RANBP2: variants seen among roughly 807,000 people sequenced by gnomAD.
RANBP2 encodes the protein E3 SUMO-protein ligase RanBP2.
Under a neutral mutation model 303.6 loss-of-function variants are expected in RANBP2, and 57 were observed. The ratio of observed to expected loss-of-function variants is 0.19; its 90% CI spans 0.15 to 0.23. RANBP2 has a LOEUF of 0.23. Ranked by LOEUF, RANBP2 falls within the 10% of genes least tolerant of loss-of-function variation. The pLI is 1.00. For missense variants in RANBP2, 3,138 were observed against 3,780.8 expected (o/e 0.83, Z 4.46); for synonymous variants, 1,167 against 1,301.5 (o/e 0.90, Z 2.23).
chr2:109,576,284 A>G, the RANBP2 span, among the ~76,000 whole-genome samples: 2 of 152,052 alleles, frequency 1.3e-5, no homozygotes, highest in African/African-American at 4.8e-5. Context: ...ATATATATAT[A>G]GACAGGGTCT....
the RANBP2 span, among the ~76,000 whole-genome samples, chr2:109,252,254 GA>G: frequency 0.041 from 5,942 of 144,556 alleles, 370 homozygotes; most frequent in African/African-American, 0.14. Flanking sequence ...TCTCAGAGGA[GA>G]AAAAAAAAAA....
chr2:109,324,788 A>G, the RANBP2 span, among the ~76,000 whole-genome samples: 41,559 of 152,018 alleles, frequency 0.27, 7,378 homozygotes, highest in African/African-American at 0.5. Flanking sequence ...GGGGATAGAG[A>G]CCAACTATGA....
At chr2:108,857,236 G>A in the RANBP2 span, among the ~76,000 whole-genome samples, 4 of 151,648 alleles carry the variant, frequency 2.6e-5, no homozygotes, top group Non-Finnish European at 4.4e-5. Flanking sequence ...ACGCCACCAC[G>A]CCCAGCTAAT....
chr2:109,392,216 T>A, the RANBP2 span, among the ~76,000 whole-genome samples: 1 of 152,104 alleles, frequency 6.6e-6, no homozygotes, highest in Non-Finnish European at 1.5e-5. Context: ...GAATATATTC[T>A]TTTTTTTACA....
At chr2:109,680,243 C>T in the RANBP2 span, among the ~76,000 whole-genome samples, 1 of 149,916 alleles carries the variant, frequency 6.7e-6, no homozygotes, top group Non-Finnish European at 1.5e-5. Context: ...GTCCCAGCTA[C>T]TTGGGAGGCT....
chr2:108,866,031 C>T, the RANBP2 span, among the ~76,000 whole-genome samples: 1 of 152,148 alleles, frequency 6.6e-6, no homozygotes. Flanking sequence ...TGGAGCTGTG[C>T]AAGAGGACTA....
chr2:109,620,440 G>A, the RANBP2 span, among the ~76,000 whole-genome samples: 1 of 152,136 alleles, frequency 6.6e-6, no homozygotes, highest in Admixed American at 6.6e-5. Context: ...GGTGGCTCAC[G>A]CATGTAATCC....
the RANBP2 span, among the ~76,000 whole-genome samples, chr2:108,957,820 G>A: frequency 2.1e-3 from 315 of 152,338 alleles, 2 homozygotes; most frequent in Non-Finnish European, 2.2e-3. Context: ...TGATGCAGCT[G>A]TTGCCTAGCC....
chr2:109,692,881 C>T, the RANBP2 span, among the ~76,000 whole-genome samples: 63,302 of 147,520 alleles, frequency 0.43, 16,388 homozygotes, highest in Middle Eastern at 0.57. Flanking sequence ...TGCAATGGTG[C>T]GATCTCGGCT....
Position 108,773,032 on chromosome 2 carries a change from G to A in RANBP2, c.8278G>A (p.Val2760Ile), listed in dbSNP as rs375267565. 4 of 1,611,914 alleles carry A rather than the reference G, an allele frequency of 2.5e-6. No homozygotes were observed. The highest frequency in any genetic ancestry group is 2.7e-5 in the African/African-American group (2 of 74,892). Residue 2760 changes from valine (V) to isoleucine (I), a missense_variant, in exon 23 of 29, where the codon GTT becomes ATT. Coordinates refer to ENST00000283195, the MANE Select transcript of RANBP2 (RefSeq NM_006267.5). ...GEDFQSELQK[V>I]QEAQKSQTEE... The stretch of plus-strand genomic sequence containing the variant: ...GGACTTTCAATCAGAGCTTCAAAAA[G>A]TTCAGGAAGCTCAAGTAAGAACATC...
At chr2:109,454,105 C>A in the RANBP2 span, among the ~76,000 whole-genome samples, 1 of 152,184 alleles carries the variant, frequency 6.6e-6, no homozygotes, top group Non-Finnish European at 1.5e-5. Flanking sequence ...ACTTACATTA[C>A]ATGGTGAGAT....
At chr2:108,863,157 C>T in the RANBP2 span, among the ~76,000 whole-genome samples, 2 of 152,072 alleles carry the variant, frequency 1.3e-5, no homozygotes, top group Non-Finnish European at 2.9e-5. Context: ...ATAATTTCTT[C>T]CCTTTTTGCT....
chr2:109,047,380 C>A, the RANBP2 span, among the ~76,000 whole-genome samples: 10 of 152,338 alleles, frequency 6.6e-5, no homozygotes, highest in African/African-American at 2.4e-4. Context: ...ACTAACACAT[C>A]TTAAACCTCT....
At chr2:109,643,529 G>A in the RANBP2 span, among the ~76,000 whole-genome samples, 14 of 152,244 alleles carry the variant, frequency 9.2e-5, no homozygotes, top group African/African-American at 3.1e-4. Flanking sequence ...GGAGGCCAAG[G>A]CTGGCAGATC....
At chr2:109,360,804 T>G in the RANBP2 span, among the ~76,000 whole-genome samples, 1 of 152,242 alleles carries the variant, frequency 6.6e-6, no homozygotes, top group Non-Finnish European at 1.5e-5. Flanking sequence ...CTGTACACTT[T>G]TAATTTCCTT....
chr2:109,372,011 C>T, the RANBP2 span, among the ~76,000 whole-genome samples: 1 of 152,178 alleles, frequency 6.6e-6, no homozygotes, highest in Non-Finnish European at 1.5e-5. Context: ...TCCAACTCCC[C>T]CAAGTGCTGC....
the RANBP2 span, among the ~76,000 whole-genome samples, chr2:109,580,796 C>A: frequency 4.5e-4 from 68 of 152,304 alleles, no homozygotes; most frequent in African/African-American, 1.6e-3. Context: ...GAAATAAATG[C>A]CCTCTTTTAT....
the RANBP2 span, among the ~76,000 whole-genome samples, chr2:109,134,164 C>CT: frequency 1.3e-5 from 2 of 152,126 alleles, no homozygotes; most frequent in African/African-American, 4.8e-5. Flanking sequence ...TGCCAAGTGG[C>CT]TGGTATAATT....
At chr2:109,069,630 A>AC in the RANBP2 span, among the ~76,000 whole-genome samples, 813 of 152,334 alleles carry the variant, frequency 5.3e-3, 4 homozygotes, top group Non-Finnish European at 8.4e-3. Flanking sequence ...TCAGAGTTTC[A>AC]CCTTGCTGGC....
Sources: gnomAD v4.1 joint callset for allele counts (sites outside exome capture counted in the v4.1 genomes callset) on GRCh38, gnomAD v4.1.1 for gene constraint, MANE v1.5 for transcripts, NCBI Gene and HGNC (gene_info 2026-07-23, HGNC 2026-07-21) for gene names.